Variants in TAMM41 observed in about 807,000 individuals in gnomAD.
The protein encoded by TAMM41 is phosphatidate cytidylyltransferase, mitochondrial.
Under a neutral mutation model 44.1 loss-of-function variants are expected in TAMM41, and 36 were observed. That is an observed-to-expected ratio of 0.82 (90% CI 0.63 to 1.08). The LOEUF (loss-of-function observed/expected upper bound fraction) is 1.08, where lower values mean the gene tolerates loss of function less well. TAMM41 is among the 50% of genes least tolerant of loss of function. TAMM41 has a pLI of 0.00. For missense variants in TAMM41, 417 were observed against 404.3 expected (o/e 1.03, Z -0.27); for synonymous variants, 164 against 153.1 (o/e 1.07, Z -0.53).
intron 5 of TAMM41, among the ~76,000 whole-genome samples, chr3:11,816,555 A>T (rs1387461533): frequency 6.6e-6 from 1 of 152,146 alleles, no homozygotes; most frequent in Non-Finnish European, 1.5e-5. Context: ...CTTGAGCTCA[A>T]GAGTTTGAGA....
chr3:11,768,677 T>C, the TAMM41 span, among the ~76,000 whole-genome samples: 1 of 152,252 alleles, frequency 6.6e-6, no homozygotes, highest in African/African-American at 2.4e-5. Context: ...CTGGCACTTT[T>C]GTAACAGTCT....
Position 11,809,525 on chromosome 3 carries a change from A to C in TAMM41, c.866T>G (p.Val289Gly). 1 of 1,613,810 alleles carries C rather than the reference A, an allele frequency of 6.2e-7. No homozygotes were observed. Among genetic ancestry groups the C allele is most frequent in the Non-Finnish European group, 8.5e-7 (1 of 1,179,978 alleles). The change falls in exon 6 of 8, where the codon GTG becomes GGG. Residue 289 changes from valine (V) to glycine (G), a missense_variant. By Grantham distance (109) the Val-to-Gly change is moderately radical. Transcript: ENST00000455809. ...CAAATTCATAAACGTACCTAGTCGCACCACATCTCCACAGTCGGGATCATG... is the reference window on the plus strand; with the variant it reads ...CAAATTCATAAACGTACCTAGTCGCCCCACATCTCCACAGTCGGGATCATG... ...VAHDPDCGDV[V>G]RLGLSAIVRP... is the part of the protein sequence containing the mutation.
chr3:11,842,108 A>G (rs1435042395), intron 2 of TAMM41, among the ~76,000 whole-genome samples: 1 of 152,064 alleles, frequency 6.6e-6, no homozygotes, highest in Non-Finnish European at 1.5e-5. Context: ...TTGGGAGCTT[A>G]TAACAAATGC....
At chr3:11,729,057 T>C in the TAMM41 span, among the ~76,000 whole-genome samples, 1 of 151,466 alleles carries the variant, frequency 6.6e-6, no homozygotes, top group African/African-American at 2.4e-5. Flanking sequence ...GTGATGTGTG[T>C]TCCTGTGAAT....
At chr3:11,773,208 C>G in the TAMM41 span, among the ~76,000 whole-genome samples, 1 of 152,100 alleles carries the variant, frequency 6.6e-6, no homozygotes, top group South Asian at 2.1e-4. Flanking sequence ...TCACCTGCCT[C>G]AGCTTCCCAA....
At chr3:11,819,470 A>C (rs528851501) in intron 4 of TAMM41, among the ~76,000 whole-genome samples, 1 of 152,372 alleles carries the variant, frequency 6.6e-6, no homozygotes, top group East Asian at 1.9e-4. Context: ...ATAATACTGA[A>C]AGCATCCCAA....
intron 3 of TAMM41, among the ~76,000 whole-genome samples, 187 bp downstream of exon 3, chr3:11,839,035 A>G (rs537988999): frequency 1.3e-5 from 2 of 152,184 alleles, no homozygotes; most frequent in Non-Finnish European, 2.9e-5. Flanking sequence ...AACCAAATAC[A>G]TATTTCTTCT....
chr3:11,827,564 C>T (rs1318073767), intron 4 of TAMM41, among the ~76,000 whole-genome samples: 1 of 147,982 alleles, frequency 6.8e-6, no homozygotes, highest in African/African-American at 2.5e-5. Context: ...CTGCCTTGGC[C>T]TCTCAAATTG....
At chr3:11,726,813 A>G in the TAMM41 span, among the ~76,000 whole-genome samples, 4 of 151,636 alleles carry the variant, frequency 2.6e-5, no homozygotes, top group Non-Finnish European at 2.9e-5. Flanking sequence ...AAAAAAAAAA[A>G]AAAAAGAAAA....
the TAMM41 span, among the ~76,000 whole-genome samples, chr3:11,733,746 C>T: frequency 2.6e-5 from 4 of 152,058 alleles, no homozygotes; most frequent in African/African-American, 7.2e-5. Context: ...GCATCCGCCT[C>T]GGCCTCCTAA....
the TAMM41 span, among the ~76,000 whole-genome samples, chr3:11,781,759 A>G: frequency 3.2e-5 from 4 of 124,516 alleles, no homozygotes; most frequent in African/African-American, 1.2e-4. Context: ...AATAATAATA[A>G]TAATAATAAT....
chr3:11,772,237 A>ATT, the TAMM41 span, among the ~76,000 whole-genome samples: 12,727 of 136,278 alleles, frequency 0.093, 743 homozygotes, highest in South Asian at 0.13. Flanking sequence ...CAGCTGGCTA[A>ATT]TTTTTTTTTT....
intron 7 of TAMM41, among the ~76,000 whole-genome samples, chr3:11,798,536 A>G (rs955127866): frequency 3.3e-5 from 5 of 152,184 alleles, no homozygotes; most frequent in Non-Finnish European, 5.9e-5. Context: ...ATCAGGAAAA[A>G]TAACTAATGG....
chr3:11,729,329 G>A, the TAMM41 span, among the ~76,000 whole-genome samples: 1 of 151,832 alleles, frequency 6.6e-6, no homozygotes, highest in Admixed American at 6.6e-5. Flanking sequence ...CTAAAAAATT[G>A]TTGCAGATGC....
At chr3:11,809,769 C>T in intron 5 of TAMM41, 87 bp from the exon 6 acceptor site, 1 of 1,406,668 alleles carries the variant, frequency 7.1e-7, no homozygotes, top group Non-Finnish European at 9.7e-7. Context: ...CTTTAAAAAT[C>T]ACACAAACAT....
At chr3:11,723,201 G>C in the TAMM41 span, among the ~76,000 whole-genome samples, 1 of 151,862 alleles carries the variant, frequency 6.6e-6, no homozygotes, top group Non-Finnish European at 1.5e-5. Context: ...GGTGGGGGCA[G>C]GCATGGGATT....
chr3:11,746,671 CAG>C, the TAMM41 span, among the ~76,000 whole-genome samples: 2 of 152,062 alleles, frequency 1.3e-5, no homozygotes, highest in Non-Finnish European at 2.9e-5. Context: ...ATTTTTAAGG[CAG>C]AGTCTCTCTC....
intron 3 of TAMM41, among the ~76,000 whole-genome samples, chr3:11,834,624 G>A (rs991445854): frequency 1.2e-4 from 18 of 152,114 alleles, no homozygotes; most frequent in African/African-American, 4.3e-4. Flanking sequence ...TAATGGTAAA[G>A]TATGATAAAA....
At chr3:11,835,717 T>C (rs1017321048) in intron 3 of TAMM41, among the ~76,000 whole-genome samples, 3 of 152,206 alleles carry the variant, frequency 2.0e-5, no homozygotes, top group Non-Finnish European at 2.9e-5. Flanking sequence ...TTCATTTCTA[T>C]CTCAAAATAA....
Sources: allele counts gnomAD v4.1 joint callset (sites outside exome capture counted in the v4.1 genomes callset), GRCh38; gene constraint gnomAD v4.1.1; transcripts MANE v1.5; gene names NCBI Gene and HGNC (gene_info 2026-07-23, HGNC 2026-07-21).